The following ADAM12 variants were observed in gnomAD, a reference collection of about 807,000 sequenced individuals.
ADAM12 encodes the protein disintegrin and metalloproteinase domain-containing protein 12.
Under a neutral mutation model 106.4 loss-of-function variants are expected in ADAM12, and 70 were observed. That is an observed-to-expected ratio of 0.66 (90% CI 0.54 to 0.80). ADAM12 has a LOEUF of 0.80. Ranked by LOEUF, ADAM12 falls within the 30% of genes least tolerant of loss-of-function variation. The pLI is 0.00. For missense variants in ADAM12, 1,010 were observed against 1,171.9 expected (o/e 0.86, Z 2.02); for synonymous variants, 420 against 433.5 (o/e 0.97, Z 0.39).
intron 21 of ADAM12, among the ~76,000 whole-genome samples, chr10:126,023,805 G>C (rs1215877033): frequency 6.6e-6 from 1 of 151,884 alleles, no homozygotes; most frequent in Non-Finnish European, 1.5e-5. Flanking sequence ...TCTCAAACTG[G>C]TACTGCCTCC....
rs371056711 is a variant in ADAM12, at chr10:126,318,985, G to A, written c.186+11427C>T. Among the ~76,000 whole-genome samples the A allele has an allele frequency of 8.5e-5, 13 of 152,236 alleles. No homozygotes were observed. In the East Asian group the frequency reaches 2.3e-3, roughly 27 times the overall value. Reference sequence around the variant, plus strand: ...TTATTCACTATCATGAGAACAGCATGGGAAAGACCTGCCTCTGTAATTAAA... The same window carrying A: ...TTATTCACTATCATGAGAACAGCATAGGAAAGACCTGCCTCTGTAATTAAA... On this transcript the variant is annotated intron_variant, in intron 2 of 22. Coordinates refer to ENST00000448723, the MANE Select transcript of ADAM12 (RefSeq NM_001288973.2).
At chr10:126,134,973 C>A (rs1243117024) in intron 5 of ADAM12, among the ~76,000 whole-genome samples, 1 of 152,318 alleles carries the variant, frequency 6.6e-6, no homozygotes, top group East Asian at 1.9e-4. Context: ...TCCTGGGGAG[C>A]ACATAAGGGC....
At chr10:126,302,178 C>T (rs1423667074) in intron 2 of ADAM12, among the ~76,000 whole-genome samples, 1 of 152,200 alleles carries the variant, frequency 6.6e-6, no homozygotes, top group Non-Finnish European at 1.5e-5. Context: ...ACCCCACCCC[C>T]AGGGTTTTGT....
intron 2 of ADAM12, among the ~76,000 whole-genome samples, chr10:126,281,813 T>G (rs1361070314): frequency 2.0e-5 from 3 of 152,194 alleles, no homozygotes; most frequent in Non-Finnish European, 4.4e-5. Flanking sequence ...AATAAATCAA[T>G]TAACTGCTAA....
chr10:126,383,433 G>A (rs893686429), intron 1 of ADAM12, among the ~76,000 whole-genome samples: 1 of 152,066 alleles, frequency 6.6e-6, no homozygotes, highest in African/African-American at 2.4e-5. Context: ...AAACAGTGAG[G>A]AAGAAATAAT....
intron 1 of ADAM12, among the ~76,000 whole-genome samples, chr10:126,374,822 T>C (rs1228533032): frequency 1.3e-5 from 2 of 152,096 alleles, no homozygotes; most frequent in South Asian, 2.1e-4. Context: ...AAATAATTGA[T>C]TGGATTCAAG....
chr10:126,108,707 C>T, intron 7 of ADAM12, 43 bp from the exon 8 acceptor site: 1 of 1,533,352 alleles, frequency 6.5e-7, no homozygotes, highest in South Asian at 1.1e-5. Context: ...GCAAGAATAT[C>T]AATCACGTTT....
intron 3 of ADAM12, among the ~76,000 whole-genome samples, chr10:126,261,891 C>T (rs1239672638): frequency 6.6e-6 from 1 of 151,374 alleles, no homozygotes; most frequent in Non-Finnish European, 1.5e-5. Context: ...CAAGCTCTGC[C>T]TCCCGGGTTC....
chr10:126,238,159 T>C (rs966664620), intron 3 of ADAM12, among the ~76,000 whole-genome samples: 5 of 152,208 alleles, frequency 3.3e-5, no homozygotes, highest in Non-Finnish European at 5.9e-5. Flanking sequence ...ATAAGGTCCT[T>C]CAAAACGCTT....
At chr10:126,269,438 A>G (rs1959163978) in intron 3 of ADAM12, among the ~76,000 whole-genome samples, 1 of 152,210 alleles carries the variant, frequency 6.6e-6, no homozygotes, top group African/African-American at 2.4e-5. Context: ...TATTGTCATA[A>G]GCAATCAATG....
intron 2 of ADAM12, among the ~76,000 whole-genome samples, chr10:126,320,189 GGCGGTAACAAAAAAT>G (rs1379864763): frequency 6.6e-6 from 1 of 152,194 alleles, no homozygotes; most frequent in Non-Finnish European, 1.5e-5. Flanking sequence ...TCTTTAGGCA[GGCGGTAACAAAAAAT>G]GCTGGTAAAA....
At chr10:126,239,019 G>A (rs1958472339) in intron 3 of ADAM12, among the ~76,000 whole-genome samples, 1 of 152,204 alleles carries the variant, frequency 6.6e-6, no homozygotes, top group African/African-American at 2.4e-5. Context: ...GGTTCTATGA[G>A]TTTGATCACA....
intron 2 of ADAM12, among the ~76,000 whole-genome samples, chr10:126,286,041 G>C (rs1043208828): frequency 6.7e-5 from 10 of 150,266 alleles, no homozygotes; most frequent in Non-Finnish European, 1.2e-4. Context: ...TGCGATTGGA[G>C]GCTGATCCAA....
intron 1 of ADAM12, among the ~76,000 whole-genome samples, chr10:126,366,215 AAG>A (rs1855903439): frequency 6.6e-6 from 1 of 152,188 alleles, no homozygotes; most frequent in Admixed American, 6.6e-5. Context: ...GTCATCTGAA[AAG>A]AGAATGGATT....
intron 3 of ADAM12, among the ~76,000 whole-genome samples, chr10:126,205,900 C>T (rs1957785971): frequency 6.6e-6 from 1 of 152,042 alleles, no homozygotes; most frequent in African/African-American, 2.4e-5. Flanking sequence ...ATTTTATAGA[C>T]AAAACATCAC....
intron 1 of ADAM12, among the ~76,000 whole-genome samples, chr10:126,367,064 CAACT>C (rs140450800): frequency 0.04 from 6,130 of 152,056 alleles, 411 homozygotes; most frequent in African/African-American, 0.14. Flanking sequence ...ATAACACCAT[CAACT>C]AACTATGCTA....
intron 10 of ADAM12, among the ~76,000 whole-genome samples, chr10:126,096,044 A>C (rs945323676): frequency 7.2e-5 from 11 of 152,230 alleles, no homozygotes; most frequent in African/African-American, 2.7e-4. Context: ...GAACCAAGAT[A>C]ATCTTACAGT....
intron 14 of ADAM12, among the ~76,000 whole-genome samples, chr10:126,055,037 C>CAGAT (rs1454211566): frequency 2.0e-5 from 3 of 152,198 alleles, no homozygotes; most frequent in Non-Finnish European, 4.4e-5. Context: ...GTGGGCTAAC[C>CAGAT]AGATGCCTCA....
chr10:126,137,038 G>T (rs1007418822), intron 4 of ADAM12, among the ~76,000 whole-genome samples: 1 of 152,034 alleles, frequency 6.6e-6, no homozygotes, highest in Non-Finnish European at 1.5e-5. Context: ...TCACAAATAT[G>T]TTCTTCTTTA....
Sources: gnomAD v4.1 joint callset for allele counts (sites outside exome capture counted in the v4.1 genomes callset) on GRCh38, gnomAD v4.1.1 for gene constraint, MANE v1.5 for transcripts, NCBI Gene and HGNC (gene_info 2026-07-23, HGNC 2026-07-21) for gene names.